Variants in NR1D2 observed in about 807,000 individuals in gnomAD.
NR1D2 encodes the protein V-erbA-related protein 1-related.
Under a neutral mutation model 52.2 loss-of-function variants are expected in NR1D2, and 25 were observed. That is an observed-to-expected ratio of 0.48 (90% CI 0.35 to 0.67). The LOEUF (loss-of-function observed/expected upper bound fraction) is 0.67. Ranked by LOEUF, NR1D2 falls within the 30% of genes least tolerant of loss-of-function variation. NR1D2 has a pLI of 0.01. For missense variants in NR1D2, 681 were observed against 707.2 expected, an observed-to-expected ratio of 0.96 and a Z score of 0.42; for synonymous variants, 259 against 230.1, an observed-to-expected ratio of 1.13 and a Z score of -1.14.
chr3:23,967,592 G>T (rs763023650), intron 6 of NR1D2, among the ~76,000 whole-genome samples: 21 of 152,018 alleles, frequency 1.4e-4, no homozygotes, highest in Non-Finnish European at 2.5e-4. Context: ...CTCCAGCTCG[G>T]GCCACAAGAA....
At chr3:23,946,093 G>A in intron 1 of NR1D2, 5 of 984,760 alleles carry the variant, frequency 5.1e-6, no homozygotes, top group Non-Finnish European at 6.0e-6. Context: ...CCCTTTGGAA[G>A]CCTCGGGGCA....
chr3:23,962,048 A>G lies in NR1D2; in HGVS notation c.589A>G (p.Thr197Ala), dbSNP rs1706261294. 3 of 1,614,100 alleles carry G rather than the reference A, an allele frequency of 1.9e-6. No homozygotes were observed. Among genetic ancestry groups the G allele is most frequent in the Admixed American group, 1.7e-5 (1 of 60,000 alleles). The change falls in exon 5 of 8, where the codon ACC (threonine) becomes GCC (alanine). Residue 197 changes from threonine to alanine, a missense_variant. Thr to Ala is a moderately conservative substitution (Grantham distance 58). Around this residue, in one of 3 missense-constraint regions of NR1D2, gnomAD observed 112 missense variants for 162.3 expected, o/e 0.69. Coordinates refer to ENST00000312521, the MANE Select transcript of NR1D2 (RefSeq NM_005126.5). ...AATTGAAATGCAAAGTGCAATGAAG[A>G]CCATGATGAACAGCCAGTTCAGTGG... ...MLIEMQSAMK[T>A]MMNSQFSGHL...
At chr3:23,971,301 C>CCATTTTTTTTTTTTTTTT (rs201185985) in intron 7 of NR1D2, among the ~76,000 whole-genome samples, 1 of 110,852 alleles carries the variant, frequency 9.0e-6, no homozygotes. Flanking sequence ...ATCTCTATAC[C>CCATTTTTTTTTTTTTTTT]TATTTTTTTT....
intron 7 of NR1D2, among the ~76,000 whole-genome samples, chr3:23,972,790 CATT>C (rs1431835562): frequency 6.6e-6 from 1 of 152,168 alleles, no homozygotes. Context: ...GTACTCTTAA[CATT>C]ATAGTCTCCA....
At chr3:23,950,628 A>G (rs1182156241) in intron 1 of NR1D2, among the ~76,000 whole-genome samples, 2 of 152,194 alleles carry the variant, frequency 1.3e-5, no homozygotes, top group African/African-American at 2.4e-5. Flanking sequence ...TCAATATTGA[A>G]GGTCTTGCTA....
chr3:23,962,964 C>T (rs995130324), intron 5 of NR1D2, among the ~76,000 whole-genome samples: 6 of 150,982 alleles, frequency 4.0e-5, no homozygotes, highest in Admixed American at 2.0e-4. Context: ...CTCAAAGGGC[C>T]GAACTTTTCG....
At chr3:23,960,681 A>G (rs968048795) in intron 4 of NR1D2, among the ~76,000 whole-genome samples, 5 of 152,260 alleles carry the variant, frequency 3.3e-5, no homozygotes, top group East Asian at 1.9e-4. Flanking sequence ...TGTTTTTTCA[A>G]TTCCCTGAAA....
intron 1 of NR1D2, chr3:23,946,342 A>T: frequency 1.0e-6 from 1 of 974,222 alleles, no homozygotes; most frequent in Non-Finnish European, 1.2e-6. Context: ...TCCGAGGAGG[A>T]AGTGCAGGAC....
intron 1 of NR1D2, chr3:23,946,284 C>T: frequency 5.1e-6 from 5 of 985,522 alleles, no homozygotes; most frequent in Non-Finnish European, 6.0e-6. Flanking sequence ...CCGCGCAAAC[C>T]AAACGAACCG....
Position 23,978,418 on chromosome 3 carries a change from A to G in NR1D2, c.*999A>G, listed in dbSNP as rs191349086. On this transcript the variant is annotated 3_prime_UTR_variant, in exon 8 of 8. Coordinates refer to ENST00000312521, the MANE Select transcript of NR1D2 (RefSeq NM_005126.5). ...CAGTAGAATATTGAATTTATGCTCTATTTTTGTTTATTTAAGCAACACTTA... is the reference window on the plus strand; with the variant it reads ...CAGTAGAATATTGAATTTATGCTCTGTTTTTGTTTATTTAAGCAACACTTA... The G allele has an allele frequency of 2.0e-5, 3 of 152,062 alleles. No homozygotes were observed. In the East Asian group the frequency reaches 5.8e-4, roughly 29 times the overall value. The allele number at this position is 152,062 out of a possible 1,614,324, so 9.4% of individuals were successfully genotyped here. A position where few individuals can be genotyped will look rare whatever the true frequency, so the allele number is the denominator to read the frequency against.
chr3:23,947,552 T>A (rs1173026956), intron 1 of NR1D2, among the ~76,000 whole-genome samples: 1 of 152,206 alleles, frequency 6.6e-6, no homozygotes, highest in Non-Finnish European at 1.5e-5. Context: ...CTGTTGCAAA[T>A]GAATTCCCTG....
rs1706387390 is a variant in NR1D2 at position 23,964,506 on chromosome 3, C to T, written c.1147-471C>T. Among the ~76,000 whole-genome samples the T allele has an allele frequency of 2.0e-5, 3 of 152,136 alleles. No individual in the cohort carries two copies. The South Asian group carries it at 6.2e-4, about 31-fold the overall frequency. Reference sequence around the variant, plus strand: ...AATATTAACTAAATGTGAATTTGGGCCTAGGCTTGTGACTTCTGGCTGTGT... The same window carrying T: ...AATATTAACTAAATGTGAATTTGGGTCTAGGCTTGTGACTTCTGGCTGTGT... On this transcript the variant is annotated intron_variant, in intron 5 of 7. Coordinates refer to ENST00000312521, the MANE Select transcript of NR1D2 (RefSeq NM_005126.5).
intron 7 of NR1D2, among the ~76,000 whole-genome samples, chr3:23,973,727 T>G (rs1342773811): frequency 6.6e-6 from 1 of 152,234 alleles, no homozygotes; most frequent in East Asian, 1.9e-4. Flanking sequence ...CTTAAATTTT[T>G]AAAAGCTTTT....
intron 1 of NR1D2, among the ~76,000 whole-genome samples, chr3:23,949,351 C>T (rs1204560065): frequency 6.6e-6 from 1 of 151,020 alleles, no homozygotes; most frequent in Non-Finnish European, 1.5e-5. Flanking sequence ...GGTGACAGAG[C>T]GAAACTCCGT....
intron 3 of NR1D2, among the ~76,000 whole-genome samples, chr3:23,958,659 A>G (rs1706150225): frequency 6.6e-6 from 1 of 151,026 alleles, no homozygotes; most frequent in Admixed American, 6.6e-5. Context: ...AAAAAAAAAA[A>G]AAAAAAGCCT....
chr3:23,971,514 C>G (rs1474437328), intron 7 of NR1D2, among the ~76,000 whole-genome samples: 1 of 151,930 alleles, frequency 6.6e-6, no homozygotes, highest in African/African-American at 2.4e-5. Flanking sequence ...GGTGATCCAC[C>G]CTCCTCGGCC....
At chr3:23,962,636 G>A in intron 5 of NR1D2, 31 bp downstream of exon 5, 1 of 1,545,226 alleles carries the variant, frequency 6.5e-7, no homozygotes, top group East Asian at 2.3e-5. Flanking sequence ...TGCTTACATT[G>A]TATCAGGGAA....
chr3:23,954,369 C>G (rs1284321740), intron 1 of NR1D2, among the ~76,000 whole-genome samples, 168 bp from the exon 2 acceptor site: 1 of 151,960 alleles, frequency 6.6e-6, no homozygotes. Flanking sequence ...GGAAGCAGGA[C>G]GAATAATGGG....
rs182635303 is a variant in NR1D2 at position 23,977,629 on chromosome 3, C to G, written c.*210C>G. 2.5e-4 allele frequency: 95 copies of G among 383,084 alleles called. No homozygotes were observed. Among genetic ancestry groups the G allele is most frequent in the Non-Finnish European group, 5.6e-5 (12 of 215,162 alleles). The allele number at this position is 383,084 out of a possible 1,614,324, so 23.7% of individuals were successfully genotyped here. On this transcript the variant is annotated 3_prime_UTR_variant, in exon 8 of 8. Coordinates refer to ENST00000312521, the MANE Select transcript of NR1D2 (RefSeq NM_005126.5). ...GACTGCATCTCCCTGATAGACCAAT[C>G]AGCTGTGTCGCACTTAAACTGGAGA...
Sources: gnomAD v4.1 joint callset for allele counts (sites outside exome capture counted in the v4.1 genomes callset) on GRCh38, gnomAD v4.1.1 for gene constraint, gnomAD v4.1.1 regional missense constraint, MANE v1.5 for transcripts, NCBI Gene and HGNC (gene_info 2026-07-23, HGNC 2026-07-21) for gene names.